Variants in RGS6 observed in about 807,000 individuals in gnomAD.
RGS6 encodes regulator of G protein signaling 6.
RGS6 carries 30 observed loss-of-function variants against 78.5 expected under a neutral mutation model. That is an observed-to-expected ratio of 0.38 (90% CI 0.29 to 0.52). The LOEUF is 0.52. RGS6 is among the 20% of genes least tolerant of loss of function. The pLI is 0.85. For synonymous variants in RGS6, 206 were observed against 206.0 expected (o/e 1.00, Z 0.00); for missense variants, 495 against 609.7 (o/e 0.81, Z 1.98).
intron 2 of RGS6, among the ~76,000 whole-genome samples, chr14:72,009,480 G>A (rs984672755): frequency 1.3e-5 from 2 of 152,238 alleles, no homozygotes; most frequent in Admixed American, 6.5e-5. Flanking sequence ...ATTCCACAGC[G>A]AGAGAACTCT....
At chr14:72,068,786 C>T (rs189907736) in intron 2 of RGS6, among the ~76,000 whole-genome samples, 4 of 151,882 alleles carry the variant, frequency 2.6e-5, no homozygotes, top group African/African-American at 4.8e-5. Context: ...TGAGCCACTG[C>T]GCCCGGCCCA....
chr14:72,106,074 CAT>C (rs2095626539), intron 2 of RGS6, among the ~76,000 whole-genome samples: 3 of 152,156 alleles, frequency 2.0e-5, no homozygotes, highest in Admixed American at 2.0e-4. Flanking sequence ...ATTTAACAAA[CAT>C]ATGAATCAGC....
At chr14:72,165,026 A>G (rs571165506) in intron 2 of RGS6, among the ~76,000 whole-genome samples, 1 of 152,296 alleles carries the variant, frequency 6.6e-6, no homozygotes, top group Admixed American at 6.5e-5. Flanking sequence ...AGCTCATGAA[A>G]GGTCCTCCTC....
At chr14:72,094,944 T>C (rs559045687) in intron 2 of RGS6, among the ~76,000 whole-genome samples, 1 of 152,266 alleles carries the variant, frequency 6.6e-6, no homozygotes, top group East Asian at 1.9e-4. Context: ...CACTCTGATA[T>C]GTTTCTTAAC....
rs2095579849 is a variant in RGS6, at chr14:72,454,533, G to A, written c.190G>A (p.Asp64Asn). ...SKIPSVVTGT[D>N]IVQWLMKNLS... ...AAATTGCTTTATCGTTGCAGGTACT[G>A]ACATTGTGCAGTGGCTTATGAAGAA... Residue 64 changes from aspartate to asparagine, a missense_variant, in exon 4 of 18, where the codon GAC (aspartate) becomes AAC (asparagine). Coordinates refer to ENST00000553525, the MANE Select transcript of RGS6 (RefSeq NM_001204424.2). 2 of 1,614,084 alleles carry A rather than the reference G, an allele frequency of 1.2e-6. No individual in the cohort carries two copies. Among genetic ancestry groups the A allele is most frequent in the East Asian group, 2.2e-5 (1 of 44,874 alleles).
At chr14:72,026,552 T>G (rs1343220471) in intron 2 of RGS6, among the ~76,000 whole-genome samples, 3 of 152,224 alleles carry the variant, frequency 2.0e-5, no homozygotes, top group African/African-American at 4.8e-5. Context: ...GGATGCAGTT[T>G]CCAGTAAACA....
At chr14:72,441,751 G>A (rs896840943) in intron 3 of RGS6, among the ~76,000 whole-genome samples, 11 of 152,202 alleles carry the variant, frequency 7.2e-5, no homozygotes, top group South Asian at 2.1e-4. Context: ...TTTTTGCCGC[G>A]CCCAAAGCAG....
chr14:72,444,695 G>A (rs559534650), intron 3 of RGS6, among the ~76,000 whole-genome samples: 1 of 44,970 alleles, frequency 2.2e-5, no homozygotes, highest in African/African-American at 7.8e-5. Context: ...TTCCTTCTGT[G>A]GGTCACCACG....
At chr14:72,549,401 A>G (rs2097463769) in intron 17 of RGS6, among the ~76,000 whole-genome samples, 2 of 152,200 alleles carry the variant, frequency 1.3e-5, no homozygotes, top group South Asian at 4.1e-4. Flanking sequence ...CAGCACAGCC[A>G]GGGTGGCCAT....
At chr14:71,936,015 GAT>G (rs55686505) in intron 1 of RGS6, among the ~76,000 whole-genome samples, 737 of 63,778 alleles carry the variant, frequency 0.012, 20 homozygotes, top group African/African-American at 0.02. Flanking sequence ...GAACTAATAG[GAT>G]ATATATATAT....
chr14:72,377,810 T>G (rs2085139526), intron 3 of RGS6, among the ~76,000 whole-genome samples: 1 of 152,098 alleles, frequency 6.6e-6, no homozygotes, highest in African/African-American at 2.4e-5. Context: ...AGGCTTTGTC[T>G]CTACAAAAGA....
chr14:72,193,719 C>T lies in RGS6; in HGVS notation c.85-158376C>T, dbSNP rs570109989. 1.1e-4 allele frequency among the ~76,000 whole-genome samples: 17 copies of T among 152,212 alleles called. No homozygotes were observed. The South Asian group carries it at 3.3e-3, about 30-fold the overall frequency. On this transcript the variant is annotated intron_variant, in intron 2 of 17. Coordinates refer to ENST00000553525, the MANE Select transcript of RGS6 (RefSeq NM_001204424.2). ...GGGTAGCCAAGGAAAGCCTTGCAAA[C>T]GAGGTGACATTTGAGCAGAGACATG...
At chr14:72,543,161 C>T (rs558014500) in intron 17 of RGS6, among the ~76,000 whole-genome samples, 4 of 152,312 alleles carry the variant, frequency 2.6e-5, no homozygotes, top group Admixed American at 6.5e-5. Context: ...CTGAAGTCCA[C>T]GACAGGGCGC....
At chr14:71,973,558 G>T (rs755858434) in intron 2 of RGS6, among the ~76,000 whole-genome samples, 6 of 152,010 alleles carry the variant, frequency 3.9e-5, no homozygotes, top group African/African-American at 7.3e-5. Flanking sequence ...GGTGGCACAC[G>T]CCTGTAATCC....
At chr14:72,383,386 G>C (rs1244500944) in intron 3 of RGS6, among the ~76,000 whole-genome samples, 1 of 151,558 alleles carries the variant, frequency 6.6e-6, no homozygotes, top group East Asian at 1.9e-4. Flanking sequence ...AAATCTAACT[G>C]GGCTTTTAGT....
chr14:72,506,441 A>G (rs1348787683), intron 13 of RGS6, among the ~76,000 whole-genome samples: 1 of 152,246 alleles, frequency 6.6e-6, no homozygotes, highest in Non-Finnish European at 1.5e-5. Flanking sequence ...TTTAATTTGC[A>G]GAATTATTTT....
intron 3 of RGS6, among the ~76,000 whole-genome samples, chr14:72,383,213 T>TATACACATAC (rs1387301746): frequency 8.5e-6 from 1 of 118,338 alleles, no homozygotes; most frequent in Non-Finnish European, 1.7e-5. Flanking sequence ...TATATATATA[T>TATACACATAC]ACACACAAAC....
At chr14:72,371,330 CT>C (rs1412998056) in intron 3 of RGS6, among the ~76,000 whole-genome samples, 1 of 151,850 alleles carries the variant, frequency 6.6e-6, no homozygotes, top group African/African-American at 2.4e-5. Flanking sequence ...AACATTTTTC[CT>C]TGTTTGATTT....
At chr14:72,495,679 C>G (rs1298086655) in intron 13 of RGS6, among the ~76,000 whole-genome samples, 1 of 152,184 alleles carries the variant, frequency 6.6e-6, no homozygotes, top group African/African-American at 2.4e-5. Flanking sequence ...TCTCACCACT[C>G]AGCAGTTATG....
Sources: gnomAD v4.1 joint callset for allele counts (sites outside exome capture counted in the v4.1 genomes callset) on GRCh38, gnomAD v4.1.1 for gene constraint, MANE v1.5 for transcripts, NCBI Gene and HGNC (gene_info 2026-07-23, HGNC 2026-07-21) for gene names.